SRGAP3: variants seen among roughly 807,000 people sequenced by gnomAD.
SRGAP3 encodes SLIT-ROBO Rho GTPase activating protein 3.
In SRGAP3, 39 loss-of-function variants were observed where a neutral mutation model predicts 121.1. The observed-to-expected ratio is 0.32, with a 90% CI of 0.25 to 0.42. The LOEUF (loss-of-function observed/expected upper bound fraction) is 0.42, where lower values mean the gene tolerates loss of function less well. Ranked by LOEUF, SRGAP3 falls within the 10% of genes least tolerant of loss-of-function variation. The probability of loss-of-function intolerance (pLI) is 1.00; values close to 1 mark genes in which losing one functional copy is unlikely to be tolerated. For synonymous variants in SRGAP3, 601 were observed against 570.0 expected (o/e 1.05, Z -0.77); for missense variants, 1,213 against 1,470.6 (o/e 0.82, Z 2.86).
intron 12 of SRGAP3, among the ~76,000 whole-genome samples, chr3:9,030,322 G>A (rs1418599857): frequency 6.6e-6 from 1 of 152,214 alleles, no homozygotes. Context: ...GGCTGTCGCT[G>A]CTGGGGTGCT....
At chr3:9,188,435 T>A (rs1951662947) in intron 1 of SRGAP3, among the ~76,000 whole-genome samples, 1 of 152,186 alleles carries the variant, frequency 6.6e-6, no homozygotes, top group Non-Finnish European at 1.5e-5. Context: ...CTAATCCACC[T>A]TTTCATTTTC....
chr3:9,210,010 A>G (rs559393668), intron 1 of SRGAP3, among the ~76,000 whole-genome samples: 1 of 152,236 alleles, frequency 6.6e-6, no homozygotes, highest in South Asian at 2.1e-4. Flanking sequence ...GATGAACTTC[A>G]AAAAACATTA....
intron 1 of SRGAP3, among the ~76,000 whole-genome samples, chr3:9,334,873 T>C (rs1955666723): frequency 6.6e-6 from 1 of 152,204 alleles, no homozygotes; most frequent in African/African-American, 2.4e-5. Context: ...GGGGATTTAA[T>C]ACCAGCTGAC....
rs1182513386 is a variant in SRGAP3, at chr3:9,123,762, G to GTGTGTGTGTGTGTGTGTGTA, written c.260+962_260+963insTACACACACACACACACACA. Among the ~76,000 whole-genome samples, 5 of 149,024 alleles carry GTGTGTGTGTGTGTGTGTGTA rather than the reference G, an allele frequency of 3.4e-5. No individual in the cohort carries two copies. The East Asian group carries it at 5.9e-4, about 17-fold the overall frequency. ...TGTGTGTGTGTGTGTGTGTATGTGT[G>GTGTGTGTGTGTGTGTGTGTA]TATATATGTATGTGTGTGTATACAC... On this transcript the variant is annotated intron_variant, in intron 2 of 21. Coordinates refer to ENST00000383836, the MANE Select transcript of SRGAP3 (RefSeq NM_014850.4).
intron 3 of SRGAP3, among the ~76,000 whole-genome samples, chr3:9,280,970 T>G (rs1271496467): frequency 5.3e-5 from 8 of 151,544 alleles, no homozygotes; most frequent in African/African-American, 1.9e-4. Flanking sequence ...CCTGAATTGT[T>G]GGGGGTGGTG....
intron 2 of SRGAP3, among the ~76,000 whole-genome samples, chr3:9,113,023 G>A (rs540277547): frequency 2.0e-5 from 3 of 152,338 alleles, no homozygotes; most frequent in Non-Finnish European, 2.9e-5. Flanking sequence ...TCATGGGCAC[G>A]GGCATCATCT....
In SRGAP3 at chr3:9,081,438, C is replaced by T. The variant is rs57549119; in HGVS notation, c.424-1351G>A. The stretch of plus-strand genomic sequence containing the variant: ...CACTTCCCCCTTTGAGCCTCAGCTA[C>T]CTCACCTATCAAATAAAAAGCTTAA... On this transcript the variant is annotated intron_variant, in intron 3 of 21. Transcript: ENST00000383836. Among the ~76,000 whole-genome samples, 1,337 of 152,318 alleles carry T rather than the reference C, an allele frequency of 8.8e-3. 16 individuals are homozygous for T. Among genetic ancestry groups the T allele is most frequent in the African/African-American group, 0.031 (1,273 of 41,572 alleles).
At chr3:9,354,286 G>A (rs1392709280) in intron 1 of SRGAP3, among the ~76,000 whole-genome samples, 2 of 152,154 alleles carry the variant, frequency 1.3e-5, no homozygotes, top group African/African-American at 2.4e-5. Context: ...AAGCAGAAGT[G>A]GCTAACAGTC....
At chr3:9,210,940 A>G (rs940397501) in intron 1 of SRGAP3, among the ~76,000 whole-genome samples, 1 of 152,266 alleles carries the variant, frequency 6.6e-6, no homozygotes, top group African/African-American at 2.4e-5. Flanking sequence ...TAAAGCAATC[A>G]TAATAGTATA....
intron 1 of SRGAP3, among the ~76,000 whole-genome samples, chr3:9,242,674 G>A (rs1326492705): frequency 6.6e-6 from 1 of 152,128 alleles, no homozygotes; most frequent in African/African-American, 2.4e-5. Context: ...ACTGAGCTAT[G>A]AGTTATAAGA....
At chr3:9,018,988 T>G (rs1331187639) in intron 14 of SRGAP3, among the ~76,000 whole-genome samples, 1 of 152,236 alleles carries the variant, frequency 6.6e-6, no homozygotes, top group Non-Finnish European at 1.5e-5. Context: ...CTTTCTTCAC[T>G]TAACAAGAAA....
upstream of SRGAP3, among the ~76,000 whole-genome samples, chr3:9,252,157 C>T (rs1473565529): frequency 1.3e-5 from 2 of 152,144 alleles, no homozygotes; most frequent in South Asian, 2.1e-4. Flanking sequence ...TGGGACCTCG[C>T]TCCTCTTCCT....
chr3:9,308,443 A>G (rs1011926106), intron 3 of SRGAP3, among the ~76,000 whole-genome samples: 2 of 152,212 alleles, frequency 1.3e-5, no homozygotes, highest in African/African-American at 2.4e-5. Flanking sequence ...ATAAAGAGCT[A>G]GAAGGAGAAC....
chr3:9,103,393 G>A (rs1374207858), intron 3 of SRGAP3, among the ~76,000 whole-genome samples: 1 of 152,144 alleles, frequency 6.6e-6, no homozygotes, highest in Non-Finnish European at 1.5e-5. Flanking sequence ...GCCAAGTGAT[G>A]CTCTCCATGC....
intron 1 of SRGAP3, among the ~76,000 whole-genome samples, chr3:9,227,474 T>C (rs1193084272): frequency 6.6e-6 from 1 of 152,172 alleles, no homozygotes; most frequent in Non-Finnish European, 1.5e-5. Flanking sequence ...GGTGCCCATT[T>C]GAAAGAGGAA....
intron 1 of SRGAP3, chr3:9,217,370 T>C (rs1220290993): frequency 2.0e-5 from 3 of 152,180 alleles, no homozygotes; most frequent in South Asian, 2.1e-4. Context: ...AGGGGCCTCA[T>C]TGAGATGCCA....
At chr3:9,162,580 G>A (rs146327194) in intron 1 of SRGAP3, among the ~76,000 whole-genome samples, 238 of 152,224 alleles carry the variant, frequency 1.6e-3, no homozygotes, top group African/African-American at 4.5e-3. Context: ...ATTAAGCCCC[G>A]CCAGATAAAC....
chr3:9,227,230 G>A (rs1052090037), intron 1 of SRGAP3, among the ~76,000 whole-genome samples: 1 of 152,314 alleles, frequency 6.6e-6, no homozygotes, highest in Admixed American at 6.5e-5. Context: ...TGTTGGAAAT[G>A]ATGAATTCAT....
intron 11 of SRGAP3, 116 bp from the exon 12 acceptor site, chr3:9,032,868 CT>C: frequency 1.1e-6 from 1 of 913,970 alleles, no homozygotes; most frequent in East Asian, 2.6e-5. Context: ...ATGGAAGCCC[CT>C]GACCCCCCGC....
Sources: allele counts gnomAD v4.1 joint callset (sites outside exome capture counted in the v4.1 genomes callset), GRCh38; gene constraint gnomAD v4.1.1; transcripts MANE v1.5; gene names NCBI Gene and HGNC (gene_info 2026-07-23, HGNC 2026-07-21).